RBFOX1: variants seen among roughly 807,000 people sequenced by gnomAD.
The protein encoded by RBFOX1 is RNA binding protein fox-1 homolog 1.
RBFOX1 carries 8 observed loss-of-function variants against 57.7 expected under a neutral mutation model. That is an observed-to-expected ratio of 0.14 (90% CI 0.08 to 0.25). The LOEUF (loss-of-function observed/expected upper bound fraction) is 0.25. Among genes scored for constraint, RBFOX1 ranks in the 10% least tolerant of loss-of-function variants. The pLI is 1.00. For synonymous variants in RBFOX1, 326 were observed against 222.4 expected, an observed-to-expected ratio of 1.47 and a Z score of -4.15; for missense variants, 611 against 548.5, an observed-to-expected ratio of 1.11 and a Z score of -1.14.
chr16:7,216,623 A>C (rs574883250), intron 4 of RBFOX1, among the ~76,000 whole-genome samples: 1 of 152,160 alleles, frequency 6.6e-6, no homozygotes, highest in African/African-American at 2.4e-5. Context: ...GTACCGCTGT[A>C]CTCCAGCCTG....
At chr16:7,354,837 G>T (rs961218860) in intron 4 of RBFOX1, among the ~76,000 whole-genome samples, 5 of 152,170 alleles carry the variant, frequency 3.3e-5, no homozygotes, top group Non-Finnish European at 7.3e-5. Flanking sequence ...TAGACAGTAT[G>T]ATATAGGACA....
chr16:5,766,773 A>G (rs2053796226), intron 3 of RBFOX1, among the ~76,000 whole-genome samples: 1 of 152,172 alleles, frequency 6.6e-6, no homozygotes, highest in African/African-American at 2.4e-5. Flanking sequence ...AAACTGTATC[A>G]GAAGCTAAGG....
At chr16:6,077,040 C>G (rs1317481673) in intron 1 of RBFOX1, among the ~76,000 whole-genome samples, 1 of 152,132 alleles carries the variant, frequency 6.6e-6, no homozygotes, top group Non-Finnish European at 1.5e-5. Flanking sequence ...AAGCGCTCGG[C>G]AAATGTAGTT....
intron 3 of RBFOX1, among the ~76,000 whole-genome samples, chr16:5,771,677 G>T (rs1217757220): frequency 6.6e-6 from 1 of 152,100 alleles, no homozygotes; most frequent in Non-Finnish European, 1.5e-5. Context: ...CCAGAGTGTT[G>T]GGATGACAGA....
intron 1 of RBFOX1, among the ~76,000 whole-genome samples, chr16:5,309,595 A>T (rs1342038726): frequency 6.6e-6 from 1 of 152,150 alleles, no homozygotes; most frequent in East Asian, 1.9e-4. Flanking sequence ...GTGGGCTTTA[A>T]GTGTAACCAT....
intron 1 of RBFOX1, among the ~76,000 whole-genome samples, chr16:5,343,325 G>GT (rs1177982643): frequency 3.9e-5 from 3 of 76,322 alleles, no homozygotes; most frequent in South Asian, 4.3e-4. Context: ...TTTTGGTTTT[G>GT]TTTTTTTGAG....
At chr16:5,256,508 C>A (rs1393853898) in intron 1 of RBFOX1, among the ~76,000 whole-genome samples, 18 of 152,174 alleles carry the variant, frequency 1.2e-4, no homozygotes, top group Non-Finnish European at 1.9e-4. Flanking sequence ...GCTAGGAAGG[C>A]AAGATTAGAT....
chr16:6,378,659 C>G (rs2091469993), intron 2 of RBFOX1, among the ~76,000 whole-genome samples: 1 of 152,156 alleles, frequency 6.6e-6, no homozygotes, highest in South Asian at 2.1e-4. Context: ...TTGGTCATCC[C>G]AGAGCTCATC....
chr16:7,140,964 G>C (rs979901330), intron 4 of RBFOX1, among the ~76,000 whole-genome samples: 12 of 152,188 alleles, frequency 7.9e-5, no homozygotes, highest in Admixed American at 2.0e-4. Flanking sequence ...AATTGGGAGA[G>C]AGAAGGAGGG....
At chr16:5,389,046 C>T (rs1462945575) in intron 1 of RBFOX1, among the ~76,000 whole-genome samples, 1 of 151,230 alleles carries the variant, frequency 6.6e-6, no homozygotes, top group Non-Finnish European at 1.5e-5. Context: ...AAAAAATTAG[C>T]CTGGCGTGGT....
chr16:6,708,076 T>C (rs2063081525), intron 3 of RBFOX1, among the ~76,000 whole-genome samples: 1 of 152,124 alleles, frequency 6.6e-6, no homozygotes, highest in South Asian at 2.1e-4. Flanking sequence ...TTTTGAATGG[T>C]AGTAGAAGAA....
At chr16:6,886,131 G>T (rs561035375) in intron 3 of RBFOX1, among the ~76,000 whole-genome samples, 1 of 149,118 alleles carries the variant, frequency 6.7e-6, no homozygotes, top group Non-Finnish European at 1.5e-5. Flanking sequence ...ACGTGATCTC[G>T]GCTCACTGCA....
rs1209677838 is a variant in RBFOX1 at position 6,558,185 on chromosome 16, C to T, written c.-63-96418C>T. Among the ~76,000 whole-genome samples the T allele has an allele frequency of 2.6e-5, 4 of 152,098 alleles. 1 individual carries two copies. Among genetic ancestry groups the T allele is most frequent in the Admixed American group, 6.5e-5 (1 of 15,278 alleles). ...TGGGAGGAGTGCGATAGAGCTGGAG[C>T]GTAACGTGCAGGTGTGTTGGGTTAG... On this transcript the variant is annotated intron_variant, in intron 2 of 15. Coordinates refer to ENST00000550418, the MANE Select transcript of RBFOX1 (RefSeq NM_018723.4).
intron 1 of RBFOX1, among the ~76,000 whole-genome samples, chr16:5,292,555 C>T (rs1279123820): frequency 6.6e-6 from 1 of 152,148 alleles, no homozygotes; most frequent in African/African-American, 2.4e-5. Flanking sequence ...CACTCATGCA[C>T]CGTCACCATC....
intron 1 of RBFOX1, among the ~76,000 whole-genome samples, chr16:6,127,054 C>T (rs973680345): frequency 2.6e-5 from 4 of 152,108 alleles, no homozygotes; most frequent in Non-Finnish European, 4.4e-5. Flanking sequence ...GGGAAGGAAT[C>T]AAGCTGGACC....
chr16:6,889,446 C>G (rs1013395231), intron 3 of RBFOX1, among the ~76,000 whole-genome samples: 11 of 152,160 alleles, frequency 7.2e-5, no homozygotes, highest in African/African-American at 2.7e-4. Flanking sequence ...GAACGTGGAA[C>G]AGATAACTTT....
chr16:7,566,715 A>G (rs184516384), intron 5 of RBFOX1, among the ~76,000 whole-genome samples: 131 of 152,256 alleles, frequency 8.6e-4, no homozygotes, highest in African/African-American at 3.1e-3. Flanking sequence ...ATAAACTACG[A>G]GTGGCATTCA....
chr16:7,544,141 G>C (rs186462820), intron 5 of RBFOX1, among the ~76,000 whole-genome samples: 1 of 152,190 alleles, frequency 6.6e-6, no homozygotes, highest in Non-Finnish European at 1.5e-5. Flanking sequence ...TGAAACCAAC[G>C]CTTACTCCTA....
chr16:5,674,896 C>G (rs975356700), intron 3 of RBFOX1, among the ~76,000 whole-genome samples: 1 of 152,112 alleles, frequency 6.6e-6, no homozygotes, highest in Non-Finnish European at 1.5e-5. Context: ...TCTGTAATCC[C>G]AGCACTTTGG....
Sources: allele counts gnomAD v4.1 joint callset (sites outside exome capture counted in the v4.1 genomes callset), GRCh38; gene constraint gnomAD v4.1.1; transcripts MANE v1.5; gene names NCBI Gene and HGNC (gene_info 2026-07-23, HGNC 2026-07-21).